The following LGR6 variants were observed in gnomAD, a reference collection of about 807,000 sequenced individuals.
LGR6 encodes the protein leucine-rich repeat-containing G protein-coupled receptor 6.
A neutral mutation model predicts 69.4 loss-of-function variants in LGR6; 45 were observed. The observed-to-expected ratio is 0.65, with a 90% confidence interval of 0.51 to 0.83. The LOEUF is 0.83. LGR6 is among the 40% of genes least tolerant of loss of function. LGR6 has a pLI of 0.00. For missense variants in LGR6, 1,108 were observed against 1,246.7 expected (o/e 0.89, Z 1.68); for synonymous variants, 538 against 555.0 (o/e 0.97, Z 0.43).
At chr1:202,203,615 C>T in intron 1 of LGR6, 1 of 573,338 alleles carries the variant, frequency 1.7e-6, no homozygotes, top group East Asian at 2.8e-5. Context: ...CCTCTTTCCT[C>T]TCCCCTGGAG....
intron 4 of LGR6, among the ~76,000 whole-genome samples, chr1:202,266,908 A>G (rs1023054639): frequency 2.7e-4 from 41 of 151,878 alleles, no homozygotes; most frequent in Admixed American, 5.9e-4. Context: ...ACGCGCGCAC[A>G]CACACACACA....
Position 202,276,485 on chromosome 1 carries a change from A to G in LGR6, c.608A>G (p.Asp203Gly), listed in dbSNP as rs1166053511. 3.1e-6 allele frequency: 5 copies of G among 1,613,998 alleles called. No homozygotes were observed. Among genetic ancestry groups the G allele is most frequent in the Non-Finnish European group, 4.2e-6 (5 of 1,180,014 alleles). ...CTCAACCGCATCAGCCACATCCCCG[A>G]CTACGCGTTCCAGAATCTCACCAGC... ...LALNRISHIP[D>G]YAFQNLTSLV... is the part of the protein sequence containing the mutation. The change falls in exon 5 of 18, where the codon GAC becomes GGC. Residue 203 changes from aspartate (D) to glycine (G), a missense_variant. Physicochemically the swap from Asp to Gly is moderately conservative, Grantham distance 94. Coordinates refer to ENST00000367278, the MANE Select transcript of LGR6 (RefSeq NM_001017403.2).
At position 202,315,016 on chromosome 1, in the gene LGR6, G is replaced by T. The variant is rs1362064650; in HGVS notation, c.1648+134G>T. The stretch of plus-strand genomic sequence containing the variant: ...CTGACTCCCAGCCTGCTGCAAGAGG[G>T]CCCTCCTTTCGTAATTCCTGGGGAA... On this transcript the variant is annotated intron_variant, in intron 17 of 17. Transcript: ENST00000367278. The T allele has an allele frequency of 3.9e-5, 26 of 660,970 alleles. No homozygotes were observed. In the East Asian group the frequency reaches 7.2e-4, roughly 18 times the overall value. 40.9% of individuals were successfully genotyped at this position (660,970 alleles called of 1,614,324 possible).
intron 1 of LGR6, among the ~76,000 whole-genome samples, chr1:202,211,101 C>T (rs1490732317): frequency 6.6e-6 from 1 of 152,144 alleles, no homozygotes; most frequent in Non-Finnish European, 1.5e-5. Flanking sequence ...GGCCAATGGC[C>T]AGTTAACCCT....
chr1:202,207,187 G>T (rs546545302), intron 1 of LGR6, among the ~76,000 whole-genome samples: 1 of 152,286 alleles, frequency 6.6e-6, no homozygotes, highest in South Asian at 2.1e-4. Context: ...AAAGTGCTGG[G>T]ATTACAGGTG....
chr1:202,281,742 T>A (rs933127577), intron 6 of LGR6, among the ~76,000 whole-genome samples: 1 of 151,892 alleles, frequency 6.6e-6, no homozygotes, highest in Non-Finnish European at 1.5e-5. Context: ...CAGTTTCTCT[T>A]ACCCCCCACT....
chr1:202,253,785 C>G (rs558172588), intron 4 of LGR6, among the ~76,000 whole-genome samples: 7 of 146,812 alleles, frequency 4.8e-5, no homozygotes, highest in East Asian at 2.0e-4. Context: ...TATGCCACCA[C>G]GCCTGGCTAA....
At chr1:202,194,536 T>G in intron 1 of LGR6, 3 of 607,544 alleles carry the variant, frequency 4.9e-6, no homozygotes, top group East Asian at 4.0e-5. Context: ...TGTTGCTGCA[T>G]TCTCTTCTAG....
In LGR6 at chr1:202,276,480, C is replaced by A. The variant is rs780354987; in HGVS notation, c.603C>A (p.Ile201=). ...TGGCCCTCAACCGCATCAGCCACAT[C>A]CCCGACTACGCGTTCCAGAATCTCA... ...MTLALNRISH[I]PDYAFQNLTS... Residue 201 remains isoleucine, a synonymous_variant, in exon 5 of 18, where the codon ATC becomes ATA. Coordinates refer to ENST00000367278, the MANE Select transcript of LGR6 (RefSeq NM_001017403.2). 2 of 1,614,196 alleles carry A rather than the reference C, an allele frequency of 1.2e-6. No individual in the cohort carries two copies. The highest frequency in any genetic ancestry group is 1.7e-5 in the Admixed American group (1 of 60,032).
intron 4 of LGR6, among the ~76,000 whole-genome samples, chr1:202,244,227 G>A (rs140305469): frequency 0.013 from 2,042 of 152,256 alleles, 28 homozygotes; most frequent in South Asian, 0.038. Flanking sequence ...AAAGTGCTGG[G>A]ATTACAGGCT....
intron 13 of LGR6, 31 bp downstream of exon 13, chr1:202,306,970 G>A (rs1653270654): frequency 6.3e-7 from 1 of 1,583,296 alleles, no homozygotes; most frequent in Admixed American, 1.7e-5. Context: ...GTGGGCCATG[G>A]AGGAGCCACC....
chr1:202,319,126 G>A lies in LGR6; in HGVS notation c.2823G>A (p.Glu941=). 1 of 1,614,254 alleles carries A rather than the reference G, an allele frequency of 6.2e-7. No homozygotes were observed. The highest frequency in any genetic ancestry group is 8.5e-7 in the Non-Finnish European group (1 of 1,180,038). ...ATGGAGAACTGCTGCTGAGGGCAGAGGGATCTACGCCAGCAGGTGGAGGCT... is the reference window on the plus strand; with the variant it reads ...ATGGAGAACTGCTGCTGAGGGCAGAAGGATCTACGCCAGCAGGTGGAGGCT... The part of the protein sequence containing the change: ...SMDGELLLRA[E]GSTPAGGGLS... Residue 941 remains glutamate (E), a synonymous_variant, in exon 18 of 18, where the codon GAG becomes GAA. Coordinates refer to ENST00000367278, the MANE Select transcript of LGR6 (RefSeq NM_001017403.2).
At chr1:202,237,190 C>CT (rs145494930) in intron 4 of LGR6, among the ~76,000 whole-genome samples, 147 of 152,370 alleles carry the variant, frequency 9.6e-4, no homozygotes, top group African/African-American at 3.1e-3. Context: ...TCTGCCCCCC[C>CT]TTCCCAATGA....
intron 3 of LGR6, among the ~76,000 whole-genome samples, chr1:202,231,758 CT>C (rs1445740439): frequency 2.0e-5 from 3 of 152,196 alleles, no homozygotes; most frequent in Non-Finnish European, 4.4e-5. Flanking sequence ...CACATTACCC[CT>C]CTACATGAAA....
chr1:202,214,333 C>G lies in LGR6; in HGVS notation c.213-11090C>G, dbSNP rs557527370. ...CCAGAAACCGACGCGACGGGTGGGG[C>G]GCTACCCGGGCCGGCCCTAATCCCC... On this transcript the variant is annotated intron_variant, in intron 1 of 17. Transcript: ENST00000367278. 1.5e-5 allele frequency: 19 copies of G among 1,268,008 alleles called. 1 individual carries two copies. Among genetic ancestry groups the G allele is most frequent in the Non-Finnish European group, 2.0e-5 (19 of 942,012 alleles). 78.5% of individuals were successfully genotyped at this position (1,268,008 alleles called of 1,614,324 possible).
chr1:202,316,297 G>A (rs898916487), intron 17 of LGR6, among the ~76,000 whole-genome samples: 1 of 152,136 alleles, frequency 6.6e-6, no homozygotes, highest in Non-Finnish European at 1.5e-5. Flanking sequence ...AAGCAGAAGG[G>A]GAGTGGGTAT....
Position 202,220,471 on chromosome 1 carries a change from A to G in LGR6, c.213-4952A>G, listed in dbSNP as rs573858404. ...TGACCTCAGGTGGTCCACCCGCCTC[A>G]GCCTCCCAAAGTGCTGGGATTACAG... On this transcript the variant is annotated intron_variant, in intron 1 of 17. Coordinates refer to ENST00000367278, the MANE Select transcript of LGR6 (RefSeq NM_001017403.2). Among the ~76,000 whole-genome samples, 9 of 151,598 alleles carry G rather than the reference A, an allele frequency of 5.9e-5. No individual in the cohort carries two copies. In the East Asian group the frequency reaches 1.6e-3, roughly 27 times the overall value.
At chr1:202,214,104 G>T in intron 1 of LGR6, 2 of 1,421,274 alleles carry the variant, frequency 1.4e-6, no homozygotes, top group Non-Finnish European at 1.8e-6. Flanking sequence ...CAGCGCGGAG[G>T]GTGGCGGGCA....
intron 1 of LGR6, among the ~76,000 whole-genome samples, chr1:202,206,068 C>T (rs906173751): frequency 3.3e-5 from 5 of 152,224 alleles, no homozygotes; most frequent in African/African-American, 1.2e-4. Context: ...TTCATTTTTT[C>T]TCCCTTCCTC....
Sources: gnomAD v4.1 joint callset for allele counts (sites outside exome capture counted in the v4.1 genomes callset) on GRCh38, gnomAD v4.1.1 for gene constraint, MANE v1.5 for transcripts, NCBI Gene and HGNC (gene_info 2026-07-23, HGNC 2026-07-21) for gene names.